BAZ2B: variants seen among roughly 807,000 people sequenced by gnomAD.
BAZ2B encodes the protein bromodomain adjacent to zinc finger domain protein 2B.
Under a neutral mutation model 246.0 loss-of-function variants are expected in BAZ2B, and 91 were observed. The ratio of observed to expected loss-of-function variants is 0.37; its 90% CI spans 0.31 to 0.44. The LOEUF is 0.44. Ranked by LOEUF, BAZ2B falls within the 20% of genes least tolerant of loss-of-function variation. The probability of loss-of-function intolerance (pLI) is 1.00; values close to 1 mark genes in which losing one functional copy is unlikely to be tolerated. For synonymous variants in BAZ2B, 855 were observed against 860.0 expected (o/e 0.99, Z 0.10); for missense variants, 2,332 against 2,533.7 (o/e 0.92, Z 1.71).
At chr2:159,378,790 A>G (rs773789828) in intron 25 of BAZ2B, among the ~76,000 whole-genome samples, 25 of 152,186 alleles carry the variant, frequency 1.6e-4, no homozygotes, top group Non-Finnish European at 2.1e-4. Flanking sequence ...AAAAAGAAAG[A>G]GAAAGAAAGA....
chr2:159,405,811 A>AT (rs559279024), intron 14 of BAZ2B, among the ~76,000 whole-genome samples: 130 of 152,132 alleles, frequency 8.5e-4, no homozygotes, highest in African/African-American at 2.9e-3. Flanking sequence ...GTCTTAACAT[A>AT]TAAAAAAAAA....
intron 3 of BAZ2B, among the ~76,000 whole-genome samples, chr2:159,472,557 T>C (rs1559542958): frequency 6.6e-6 from 1 of 152,216 alleles, no homozygotes; most frequent in African/African-American, 2.4e-5. Flanking sequence ...ATCTTTGTCT[T>C]GTGCCGGTTT....
intron 1 of BAZ2B, among the ~76,000 whole-genome samples, chr2:159,566,195 G>A (rs1331539858): frequency 1.3e-5 from 2 of 152,068 alleles, no homozygotes; most frequent in African/African-American, 2.4e-5. Context: ...ATTTTTAGTA[G>A]AGATGGGGTT....
chr2:159,676,199 AAT>A, the BAZ2B span, among the ~76,000 whole-genome samples: 1 of 35,518 alleles, frequency 2.8e-5, no homozygotes, highest in African/African-American at 5.7e-5. Context: ...GGCCTAGGCT[AAT>A]TTTTTTTTTT....
intron 2 of BAZ2B, among the ~76,000 whole-genome samples, chr2:159,512,156 A>G (rs2082992117): frequency 6.6e-6 from 1 of 152,204 alleles, no homozygotes; most frequent in Non-Finnish European, 1.5e-5. Context: ...CAGGTTTTTA[A>G]AAAAACTGGT....
downstream of BAZ2B, among the ~76,000 whole-genome samples, chr2:159,316,740 G>GCTTATGT (rs1035865452): frequency 2.1e-5 from 3 of 145,248 alleles, no homozygotes; most frequent in African/African-American, 7.5e-5. Context: ...CATTTTAGTG[G>GCTTATGT]CTTATGTCTG....
intron 1 of BAZ2B, among the ~76,000 whole-genome samples, chr2:159,606,695 C>A (rs1693575136): frequency 6.6e-6 from 1 of 152,090 alleles, no homozygotes; most frequent in African/African-American, 2.4e-5. Flanking sequence ...TATGACAAAT[C>A]TCTTGCAAGT....
chr2:159,382,069 C>T (rs936989485), intron 25 of BAZ2B, among the ~76,000 whole-genome samples: 1 of 152,158 alleles, frequency 6.6e-6, no homozygotes, highest in Non-Finnish European at 1.5e-5. Flanking sequence ...TTTTGCAAAT[C>T]CTTCTCAGTG....
intron 1 of BAZ2B, among the ~76,000 whole-genome samples, chr2:159,581,545 C>T (rs977337841): frequency 5.9e-5 from 9 of 152,226 alleles, no homozygotes; most frequent in Non-Finnish European, 1.2e-4. Flanking sequence ...CTAGAAATAC[C>T]ATTTGACCCA....
chr2:159,688,829 G>T, the BAZ2B span, among the ~76,000 whole-genome samples: 1 of 152,102 alleles, frequency 6.6e-6, no homozygotes, highest in Non-Finnish European at 1.5e-5. Context: ...TCATGTTTAT[G>T]TTCAGGTTAT....
chr2:159,604,944 G>GTC (rs1693068759), intron 1 of BAZ2B, among the ~76,000 whole-genome samples: 2 of 129,218 alleles, frequency 1.5e-5, no homozygotes, highest in Non-Finnish European at 3.5e-5. Context: ...GTGTGTGTGT[G>GTC]TGTGTGTGCG....
chr2:159,447,211 G>A (rs891365270), intron 5 of BAZ2B, among the ~76,000 whole-genome samples: 10 of 152,166 alleles, frequency 6.6e-5, no homozygotes, highest in Admixed American at 1.3e-4. Flanking sequence ...GGAGGCAACT[G>A]CTTAATGGGT....
At chr2:159,580,163 G>A (rs1354868012) in intron 1 of BAZ2B, among the ~76,000 whole-genome samples, 1 of 152,156 alleles carries the variant, frequency 6.6e-6, no homozygotes, top group African/African-American at 2.4e-5. Flanking sequence ...TTTTTATTTA[G>A]AAAACCCCAT....
chr2:159,615,443 G>C (rs1048251874), intron 1 of BAZ2B: 7 of 152,412 alleles, frequency 4.6e-5, no homozygotes, highest in African/African-American at 1.7e-4. Flanking sequence ...TGCTGACATA[G>C]ACCTTCCCAG....
intron 33 of BAZ2B, 149 bp downstream of exon 33, chr2:159,336,793 T>C: frequency 1.5e-6 from 1 of 658,256 alleles, no homozygotes; most frequent in South Asian, 4.1e-5. Context: ...AGGAGGAAAG[T>C]ATCAAAAATC....
Position 159,400,683 on chromosome 2 carries a change from T to C in BAZ2B, c.2833-19A>G, listed in dbSNP as rs144099191. The C allele has an allele frequency of 1.9e-4, 255 of 1,316,258 alleles. 1 individual carries two copies. In the African/African-American group the frequency reaches 3.3e-3, roughly 17 times the overall value. 81.5% of individuals were successfully genotyped at this position (1,316,258 alleles called of 1,614,324 possible). On this transcript the variant is annotated intron_variant, in intron 16 of 36. Coordinates refer to ENST00000392783, the MANE Select transcript of BAZ2B (RefSeq NM_013450.4). Reference sequence around the variant, plus strand: ...TTTTTTCCTGTAGGAAAAGTTATGATAACTTGAGATAATAAAATAAACTAT... The same window carrying C: ...TTTTTTCCTGTAGGAAAAGTTATGACAACTTGAGATAATAAAATAAACTAT...
Position 159,383,684 on chromosome 2 carries a change from C to A in BAZ2B, c.3687-4G>T, listed in dbSNP as rs191861989. Reference sequence around the variant, plus strand: ...ATCAATGTTCTTGTCGATTTCACTGCCAATGCAAGAATTTATTAAAAAGTG... The same window carrying A: ...ATCAATGTTCTTGTCGATTTCACTGACAATGCAAGAATTTATTAAAAAGTG... On this transcript the variant is annotated splice_region_variant and splice_polypyrimidine_tract_variant and intron_variant, in intron 23 of 36. Transcript: ENST00000392783. 1 of 1,606,734 alleles carries A rather than the reference C, an allele frequency of 6.2e-7. No homozygotes were observed. The highest frequency in any genetic ancestry group is 8.5e-7 in the Non-Finnish European group (1 of 1,175,814).
At chr2:159,573,435 G>A (rs528489487) in intron 1 of BAZ2B, among the ~76,000 whole-genome samples, 34 of 152,236 alleles carry the variant, frequency 2.2e-4, no homozygotes, top group Middle Eastern at 3.4e-3. Context: ...TTCAACAAAA[G>A]GTGCTGGAAC....
chr2:159,344,541 A>AT (rs1387180099), intron 31 of BAZ2B, among the ~76,000 whole-genome samples: 2 of 151,602 alleles, frequency 1.3e-5, no homozygotes, highest in Admixed American at 1.3e-4. Flanking sequence ...TCTCAAAAAA[A>AT]AAAAAAGAAA....
Sources: gnomAD v4.1 joint callset for allele counts (sites outside exome capture counted in the v4.1 genomes callset) on GRCh38, gnomAD v4.1.1 for gene constraint, MANE v1.5 for transcripts, NCBI Gene and HGNC (gene_info 2026-07-23, HGNC 2026-07-21) for gene names.